The following P4HA3 variants were observed in gnomAD, a reference collection of about 807,000 sequenced individuals.
P4HA3 encodes the protein prolyl 4-hydroxylase subunit alpha 3, also known as prolyl 4-hydroxylase subunit alpha-3.
P4HA3 carries 60 observed loss-of-function variants against 66.7 expected under a neutral mutation model. That is an observed-to-expected ratio of 0.90 (90% CI 0.73 to 1.12). The LOEUF (loss-of-function observed/expected upper bound fraction) is 1.12, where lower values mean the gene tolerates loss of function less well. Among genes scored for constraint, P4HA3 ranks in the 50% most tolerant of loss-of-function variants. The probability of loss-of-function intolerance (pLI) is 0.00; values close to 1 mark genes in which losing one functional copy is unlikely to be tolerated. For synonymous variants in P4HA3, 263 were observed against 274.6 expected (o/e 0.96, Z 0.42); for missense variants, 683 against 685.8 (o/e 1.00, Z 0.05).
At chr11:74,301,383 C>T (rs1286917135) in intron 3 of P4HA3, among the ~76,000 whole-genome samples, 2 of 152,090 alleles carry the variant, frequency 1.3e-5, no homozygotes, top group Non-Finnish European at 2.9e-5. Flanking sequence ...TATGTTAGTA[C>T]CATACATTAA....
At position 74,250,881 on chromosome 11, in the gene P4HA3, G is replaced by A. The variant is rs192149323; in HGVS notation, c.*1319-2880C>T. 6.7e-5 allele frequency: 89 copies of A among 1,338,172 alleles called. No individual in the cohort carries two copies. In the African/African-American group the frequency reaches 1.1e-3, roughly 17 times the overall value. 82.9% of individuals were successfully genotyped at this position (1,338,172 alleles called of 1,614,324 possible). ...TGGGGAGGTAGGTCCTGGGCTCCTG[G>A]AATGACCTATGAGGCTGCATAAGAG... is the stretch of plus-strand genomic sequence containing the variant. On this transcript the variant is annotated intron_variant and NMD_transcript_variant, in intron 15 of 15. Coordinates refer to the P4HA3 transcript ENST00000524388.
rs1331286469 is a variant in P4HA3 at position 74,285,912 on chromosome 11, G to T, written c.1007C>A (p.Pro336His). The change falls in exon 7 of 13, where the codon CCC (proline) becomes CAC (histidine). Residue 336 changes from proline to histidine, a missense_variant. Transcript: ENST00000331597. ...CAGGTGGATGACCTCCTTCCGGATG[G>T]GCTGGAGCAGCAGGTAGGCGTTGGA... ...TNSNAYLLLQ[P>H]IRKEVIHLEP... 1 of 1,612,302 alleles carries T rather than the reference G, an allele frequency of 6.2e-7. No homozygotes were observed. Among genetic ancestry groups the T allele is most frequent in the Admixed American group, 1.7e-5 (1 of 60,010 alleles).
intron 4 of P4HA3, among the ~76,000 whole-genome samples, chr11:74,293,453 G>T (rs1320273845): frequency 6.6e-6 from 1 of 152,120 alleles, no homozygotes; most frequent in Non-Finnish European, 1.5e-5. Context: ...TACATTTAAG[G>T]TTAATATTGT....
rs1415129602 is a variant in P4HA3 at position 74,267,116 on chromosome 11, G to T, written c.*132C>A. ...ACAACCTCTCCCTTGCCTCTGATTT[G>T]CGAGGCACAGACAAAGCTGACAAGG... On this transcript the variant is annotated 3_prime_UTR_variant, in exon 13 of 13. Transcript: ENST00000331597. 4 of 1,548,972 alleles carry T rather than the reference G, an allele frequency of 2.6e-6. No individual in the cohort carries two copies. The South Asian group carries it at 3.5e-5, about 14-fold the overall frequency.
intron 12 of P4HA3, 147 bp from the exon 13 acceptor site, chr11:74,267,465 C>T: frequency 5.2e-6 from 5 of 966,758 alleles, no homozygotes; most frequent in Non-Finnish European, 7.5e-6. Flanking sequence ...CTAGTCCTGG[C>T]CTCACTATGG....
chr11:74,287,156 G>A, intron 5 of P4HA3: 1 of 1,246,310 alleles, frequency 8.0e-7, no homozygotes, highest in Non-Finnish European at 1.0e-6. Context: ...CCCATGCATT[G>A]GCAGAGCTAC....
intron 7 of P4HA3, among the ~76,000 whole-genome samples, chr11:74,284,736 T>C (rs906878025): frequency 6.6e-6 from 1 of 152,114 alleles, no homozygotes; most frequent in South Asian, 2.1e-4. Flanking sequence ...GGGCTGCTGA[T>C]GCCTGTCTGG....
At chr11:74,279,707 T>TGG (rs1860524432) in intron 7 of P4HA3, among the ~76,000 whole-genome samples, 1 of 152,206 alleles carries the variant, frequency 6.6e-6, no homozygotes. Flanking sequence ...AAGCACTCAA[T>TGG]AAAAGTTTGC....
rs1425528860 is a variant in P4HA3, at chr11:74,279,440, C to G, written c.1123G>C (p.Val375Leu). The stretch of plus-strand genomic sequence containing the variant: ...AACTGCTTCTCCCCTGATGCCACCA[C>G]TGACCTCTGTAGCTGGTGGGAAGAA... Reference protein sequence around the residue: ...ELAEPWLQRSVVASGEKQLQV... With the variant: ...ELAEPWLQRSLVASGEKQLQV... Residue 375 changes from valine (V) to leucine (L), a missense_variant, in exon 8 of 13, where the codon GTG becomes CTG. Val to Leu is a conservative substitution (Grantham distance 32). Coordinates refer to ENST00000331597, the MANE Select transcript of P4HA3 (RefSeq NM_182904.5). 6.2e-7 allele frequency: 1 copy of G among 1,613,920 alleles called. No individual in the cohort carries two copies.
At chr11:74,306,609 C>T (rs80162894) in intron 1 of P4HA3, among the ~76,000 whole-genome samples, 6,195 of 152,158 alleles carry the variant, frequency 0.041, 134 homozygotes, top group Middle Eastern at 0.099. Context: ...GCGACTTCTG[C>T]GAGGAGACAG....
intron 15 of P4HA3, chr11:74,253,449 G>GAT (rs1417423967): frequency 3.2e-6 from 5 of 1,579,300 alleles, no homozygotes; most frequent in Non-Finnish European, 4.4e-6. Flanking sequence ...GAAAGCTATT[G>GAT]ATAGTTACAT....
intron 3 of P4HA3, among the ~76,000 whole-genome samples, chr11:74,300,999 T>C (rs1244760386): frequency 2.0e-5 from 3 of 152,126 alleles, no homozygotes; most frequent in Admixed American, 6.5e-5. Flanking sequence ...TACAATGTGC[T>C]GAATGAAAGA....
chr11:74,277,493 C>T lies in P4HA3; in HGVS notation c.1176-349G>A, dbSNP rs115103579. 3.9e-3 allele frequency among the ~76,000 whole-genome samples: 600 copies of T among 152,258 alleles called. 6 individuals are homozygous for T. Among genetic ancestry groups the T allele is most frequent in the African/African-American group, 0.014 (568 of 41,550 alleles). On this transcript the variant is annotated intron_variant, in intron 8 of 12. Transcript: ENST00000331597. ...AAGCTTGTGATTTAGAGAAATGTGA[C>T]GAGTCCCTGATCCTCTGTGATCCTA...
intron 15 of P4HA3, chr11:74,251,023 G>T: frequency 6.3e-7 from 1 of 1,590,464 alleles, no homozygotes; most frequent in Non-Finnish European, 8.6e-7. Context: ...GACAAGGTGA[G>T]TCTGGTGCTC....
chr11:74,311,255 T>A (rs946076372), intron 1 of P4HA3, 157 bp downstream of exon 1: 15 of 885,050 alleles, frequency 1.7e-5, no homozygotes, highest in Non-Finnish European at 2.2e-5. Flanking sequence ...CCCCACCCCA[T>A]GCCACAATGT....
At chr11:74,267,377 C>T (rs537512187) in intron 12 of P4HA3, 59 bp from the exon 13 acceptor site, 12 of 1,597,816 alleles carry the variant, frequency 7.5e-6, no homozygotes, top group Non-Finnish European at 1.0e-5. Context: ...AGCAGCAATG[C>T]TGCAGACTGG....
Position 74,311,483 on chromosome 11 carries a change from G to A in P4HA3, c.129C>T (p.Pro43=). The A allele has an allele frequency of 1.3e-6, 2 of 1,532,996 alleles. No homozygotes were observed. The highest frequency in any genetic ancestry group is 1.7e-6 in the Non-Finnish European group (2 of 1,147,044). 95.0% of individuals were successfully genotyped at this position (1,532,996 alleles called of 1,614,324 possible). A position where few individuals can be genotyped will look rare whatever the true frequency, so the allele number is the denominator to read the frequency against. Reference sequence around the variant, plus strand: ...TCAGCAGCCCCAGCAGCCGGCGCTCGGGCGCCAGGGCGCGCGCCACGCTGG... The same window carrying A: ...TCAGCAGCCCCAGCAGCCGGCGCTCAGGCGCCAGGGCGCGCGCCACGCTGG... The part of the protein sequence containing the change: ...ALTSVARALA[P]ERRLLGLLRR... The change falls in exon 1 of 13, where the codon CCC becomes CCT. Residue 43 remains proline, a synonymous_variant. Transcript: ENST00000331597.
At position 74,260,835 on chromosome 11, in the gene P4HA3, T is replaced by C. The variant is rs951111942; in HGVS notation, c.*1105-699A>G. Among the ~76,000 whole-genome samples the C allele has an allele frequency of 4.9e-4, 74 of 152,182 alleles. 1 individual carries two copies. Among genetic ancestry groups the C allele is most frequent in the African/African-American group, 1.8e-3 (73 of 41,436 alleles). On this transcript the variant is annotated intron_variant and NMD_transcript_variant, in intron 14 of 15. Transcript: ENST00000524388. The stretch of plus-strand genomic sequence containing the variant: ...GCCTTCACACCTCCATATGCACATA[T>C]GGACCTCCTTATCCTTCAATATGCA...
chr11:74,250,897 T>A, intron 15 of P4HA3: 4 of 1,439,364 alleles, frequency 2.8e-6, no homozygotes, highest in Non-Finnish European at 3.8e-6. Context: ...CCTATGAGGC[T>A]GCATAAGAGA....
Sources: allele counts gnomAD v4.1 joint callset (sites outside exome capture counted in the v4.1 genomes callset), GRCh38; gene constraint gnomAD v4.1.1; transcripts MANE v1.5; gene names NCBI Gene and HGNC (gene_info 2026-07-23, HGNC 2026-07-21).